EXOC3L4: variants seen among roughly 807,000 people sequenced by gnomAD.
EXOC3L4 encodes exocyst complex component 3-like protein 4.
A neutral mutation model predicts 69.7 loss-of-function variants in EXOC3L4; 62 were observed. The observed-to-expected ratio is 0.89, with a 90% CI of 0.72 to 1.10. The LOEUF (loss-of-function observed/expected upper bound fraction) is 1.10. Ranked by LOEUF, EXOC3L4 falls within the 50% of genes least tolerant of loss-of-function variation. EXOC3L4 has a pLI of 0.00. For synonymous variants in EXOC3L4, 502 were observed against 464.2 expected (o/e 1.08, Z -1.05); for missense variants, 1,087 against 1,034.8 (o/e 1.05, Z -0.69).
intron 11 of EXOC3L4, 89 bp from the exon 12 acceptor site, chr14:103,109,942 A>G (rs1890827913): frequency 7.3e-7 from 1 of 1,361,368 alleles, no homozygotes; most frequent in Admixed American, 2.5e-5. Context: ...GACTCATACT[A>G]ACTCCCAAGC....
rs779513080 is a variant in EXOC3L4, at chr14:103,107,812, CT to C, written c.1854+30del. 50 of 1,483,880 alleles carry C rather than the reference CT, an allele frequency of 3.4e-5. No homozygotes were observed. In the South Asian group the frequency reaches 5.9e-4, roughly 18 times the overall value. 91.9% of individuals were successfully genotyped at this position (1,483,880 alleles called of 1,614,324 possible). On this transcript the variant is annotated intron_variant, in intron 10 of 11. Coordinates refer to ENST00000688303, the MANE Select transcript of EXOC3L4 (RefSeq NM_001077594.2). Reference sequence around the variant, plus strand: ...GGGGCGGCATGACTGCCCTTCGGTGCTCGCCTCTGTGTGGGGAGTGGTGGCA... The same window carrying C: ...GGGGCGGCATGACTGCCCTTCGGTGCCGCCTCTGTGTGGGGAGTGGTGGCA...
At chr14:103,095,008 A>G (rs1889828745) in intron 1 of EXOC3L4, among the ~76,000 whole-genome samples, 168 bp downstream of exon 1, 1 of 152,234 alleles carries the variant, frequency 6.6e-6, no homozygotes, top group Admixed American at 6.5e-5. Context: ...CACCCGATAC[A>G]CAGGCAGACA....
intron 4 of EXOC3L4, 77 bp downstream of exon 4, chr14:103,104,129 A>G (rs1890391606): frequency 1.4e-6 from 2 of 1,446,324 alleles, no homozygotes; most frequent in Non-Finnish European, 1.8e-6. Context: ...CGCCCAGGCT[A>G]TCGGCGGCCA....
At position 103,110,190 on chromosome 14, in the gene EXOC3L4, C is replaced by A. The variant is rs1456394021; in HGVS notation, c.2136C>A (p.Pro712=). 1 of 1,522,520 alleles carries A rather than the reference C, an allele frequency of 6.6e-7. No homozygotes were observed. Among genetic ancestry groups the A allele is most frequent in the Non-Finnish European group, 8.8e-7 (1 of 1,133,412 alleles). 94.3% of individuals were successfully genotyped at this position (1,522,520 alleles called of 1,614,324 possible). A position where few individuals can be genotyped will look rare whatever the true frequency, so the allele number is the denominator to read the frequency against. The change falls in exon 12 of 12, where the codon CCC becomes CCA. Residue 712 remains proline (P), a synonymous_variant. Transcript: ENST00000688303. ...TGCTCTTCGAGGAGATCAAGGTGCC[C>A]AGTGCCATGGCTGTGCTGATCACCT... ...GRVLFEEIKV[P]SAMAVLITCV is the part of the protein sequence containing the mutation.
chr14:103,099,330 A>ACGGTGC (rs1890045112), intron 1 of EXOC3L4, among the ~76,000 whole-genome samples: 1 of 151,772 alleles, frequency 6.6e-6, no homozygotes, highest in Non-Finnish European at 1.5e-5. Context: ...CTGGCAGGCC[A>ACGGTGC]CGGTGCCGAG....
Position 103,102,476 on chromosome 14 carries a change from A to G in EXOC3L4, c.753A>G (p.Arg251=). 1 of 1,442,186 alleles carries G rather than the reference A, an allele frequency of 6.9e-7. No homozygotes were observed. Among genetic ancestry groups the G allele is most frequent in the East Asian group, 2.8e-5 (1 of 35,354 alleles). 89.3% of individuals were successfully genotyped at this position (1,442,186 alleles called of 1,614,324 possible). The change falls in exon 3 of 12, where the codon CGA becomes CGG. Residue 251 remains arginine, a synonymous_variant. Transcript: ENST00000688303. ...AGCACTGGGAGGAGGCGGTGCGGCG[A>G]AGCGCTCAGGAGCGCGTGCGGCGGC... ...WRQHWEEAVR[R]SAQERVRRPG... is the part of the protein sequence containing the mutation.
intron 2 of EXOC3L4, 77 bp downstream of exon 2, chr14:103,100,690 A>C: frequency 2.0e-6 from 3 of 1,474,040 alleles, no homozygotes; most frequent in Non-Finnish European, 2.7e-6. Context: ...AGGTTTCCGG[A>C]AAGGCTGTCC....
At chr14:103,095,112 T>TGG (rs1889833318) in intron 1 of EXOC3L4, among the ~76,000 whole-genome samples, 2 of 152,148 alleles carry the variant, frequency 1.3e-5, no homozygotes. Context: ...GCAGACCCTC[T>TGG]GGGGACACTC....
chr14:103,098,244 G>T (rs1359181783), intron 1 of EXOC3L4, among the ~76,000 whole-genome samples: 1 of 152,098 alleles, frequency 6.6e-6, no homozygotes, highest in Non-Finnish European at 1.5e-5. Context: ...TCCTGGGAGA[G>T]AACCTCCACA....
intron 2 of EXOC3L4, among the ~76,000 whole-genome samples, chr14:103,101,862 A>G (rs1890203709): frequency 6.6e-6 from 1 of 152,226 alleles, no homozygotes; most frequent in South Asian, 2.1e-4. Flanking sequence ...TCCAGGCGGA[A>G]GGTAGGGGTT....
chr14:103,103,938 C>T lies in EXOC3L4; in HGVS notation c.1050-3C>T. On this transcript the variant is annotated splice_region_variant and splice_polypyrimidine_tract_variant and intron_variant, in intron 3 of 11. Transcript: ENST00000688303. ...GCCCCCAGCCCCCTGCCCTGTCTTC[C>T]AGTCCTGACTTCCTGGGCGCCCCGG... 1.3e-6 allele frequency: 2 copies of T among 1,539,294 alleles called. No homozygotes were observed. The highest frequency in any genetic ancestry group is 1.7e-6 in the Non-Finnish European group (2 of 1,147,566).
At chr14:103,095,216 G>T (rs150110852) in intron 1 of EXOC3L4, among the ~76,000 whole-genome samples, 1 of 152,222 alleles carries the variant, frequency 6.6e-6, no homozygotes, top group African/African-American at 2.4e-5. Context: ...ATGCCCGCGC[G>T]CTCAAGCTCA....
chr14:103,104,233 G>A, intron 4 of EXOC3L4, 34 bp from the exon 5 acceptor site: 1 of 1,536,546 alleles, frequency 6.5e-7, no homozygotes, highest in South Asian at 1.2e-5. Context: ...GGGTCTGGGA[G>A]GGTCTCACCA....
chr14:103,102,128 C>T lies in EXOC3L4; in HGVS notation c.405C>T (p.Ser135=), dbSNP rs751606763. 6.9e-6 allele frequency: 11 copies of T among 1,603,558 alleles called. No individual in the cohort carries two copies. The highest frequency in any genetic ancestry group is 1.3e-5 in the African/African-American group (1 of 74,650). Residue 135 remains serine (S), a synonymous_variant, in exon 3 of 12, where the codon TCC becomes TCT. Transcript: ENST00000688303. ...CGCCCGCCTGTGCAGAAGGCAAATCCGTGGCCGACCTCATTACTGAACGGC... is the reference window on the plus strand; with the variant it reads ...CGCCCGCCTGTGCAGAAGGCAAATCTGTGGCCGACCTCATTACTGAACGGC... The part of the protein sequence containing the change: ...EELKPEAEGK[S]VADLITERQL...
Position 103,107,406 on chromosome 14 carries a change from C to G in EXOC3L4, c.1582-18C>G. The G allele has an allele frequency of 6.2e-7, 1 of 1,610,644 alleles. No individual in the cohort carries two copies. On this transcript the variant is annotated intron_variant, in intron 8 of 11. Coordinates refer to ENST00000688303, the MANE Select transcript of EXOC3L4 (RefSeq NM_001077594.2). ...GGCGTAGTGCACATTTGCAGACTCC[C>G]AGCCCCTCTGTCCCCAGCCGCTCTT... is the stretch of plus-strand genomic sequence containing the variant.
At chr14:103,107,973 T>C in intron 10 of EXOC3L4, among the ~76,000 whole-genome samples, 190 bp downstream of exon 10, 1 of 152,044 alleles carries the variant, frequency 6.6e-6, no homozygotes. Context: ...GCACTTTGCA[T>C]ACATTTGCAT....
Position 103,110,540 on chromosome 14 carries a change from A to G in EXOC3L4, c.*317A>G. ...AGTGAAGAGCAGAGTATTTATTTAA[A>G]AAATAAATGTGAATTAAAATGGTGC... On this transcript the variant is annotated 3_prime_UTR_variant, in exon 12 of 12. Transcript: ENST00000688303. 2.3e-6 allele frequency: 1 copy of G among 429,804 alleles called. No individual in the cohort carries two copies. Among genetic ancestry groups the G allele is most frequent in the Non-Finnish European group, 4.4e-6 (1 of 228,286 alleles). 26.6% of individuals were successfully genotyped at this position (429,804 alleles called of 1,614,324 possible). A position where few individuals can be genotyped will look rare whatever the true frequency, so the allele number is the denominator to read the frequency against.
rs375359671 is a variant in EXOC3L4 at position 103,100,542 on chromosome 14, C to T, written c.323C>T (p.Ser108Leu). ...TCCCAGGCCACTCCTGAGGTGCCCT[C>T]GGGGGTCATGAATGGTGTCAGCCAG... Reference protein sequence around the residue: ...GHSQATPEVPSGVMNGVSQQA... With the variant: ...GHSQATPEVPLGVMNGVSQQA... Residue 108 changes from serine to leucine, a missense_variant, in exon 2 of 12, where the codon TCG (serine) becomes TTG (leucine). Ser to Leu is a moderately radical substitution (Grantham distance 145). Coordinates refer to ENST00000688303, the MANE Select transcript of EXOC3L4 (RefSeq NM_001077594.2). 1.6e-5 allele frequency: 25 copies of T among 1,612,490 alleles called. No homozygotes were observed. The highest frequency in any genetic ancestry group is 6.7e-5 in the Admixed American group (4 of 59,892).
chr14:103,107,238 C>T (rs1890612020), intron 8 of EXOC3L4, among the ~76,000 whole-genome samples, 186 bp from the exon 9 acceptor site: 1 of 152,206 alleles, frequency 6.6e-6, no homozygotes, highest in Non-Finnish European at 1.5e-5. Context: ...AAACCCTGCC[C>T]CTAGAGCTTG....
Sources: allele counts gnomAD v4.1 joint callset (sites outside exome capture counted in the v4.1 genomes callset), GRCh38; gene constraint gnomAD v4.1.1; transcripts MANE v1.5; gene names NCBI Gene and HGNC (gene_info 2026-07-23, HGNC 2026-07-21).